Variants in FGF19 observed in about 807,000 individuals in gnomAD.
FGF19 encodes fibroblast growth factor 19.
A neutral mutation model predicts 8.9 loss-of-function variants in FGF19; 5 were observed. The observed-to-expected ratio is 0.56, with a 90% CI of 0.29 to 1.18. FGF19 has a LOEUF of 1.18. Ranked by LOEUF, FGF19 falls within the 50% of genes most tolerant of loss-of-function variation. The pLI is 0.08. For missense variants in FGF19, 237 were observed against 293.9 expected, an observed-to-expected ratio of 0.81 and a Z score of 1.42; for synonymous variants, 124 against 128.0, an observed-to-expected ratio of 0.97 and a Z score of 0.21.
Position 69,703,611 on chromosome 11 carries a change from G to C in FGF19, c.232+34C>G. ...GCGCGCAGCGGGGTGGGGTGCGCGC[G>C]GCGGGGCGGGCGGGGGTGCTGGCGG... On this transcript the variant is annotated intron_variant, in intron 1 of 2. Coordinates refer to ENST00000294312, the MANE Select transcript of FGF19 (RefSeq NM_005117.3). This position sits in a 1 kb window ranked among gnomAD's most constrained non-coding sequence, Gnocchi z 6.8. 9.1e-7 allele frequency: 1 copy of C among 1,093,350 alleles called. No homozygotes were observed. The highest frequency in any genetic ancestry group is 1.2e-6 in the Non-Finnish European group (1 of 863,584). 67.7% of individuals were successfully genotyped at this position (1,093,350 alleles called of 1,614,324 possible).
At chr11:69,701,652 AT>A (rs1465582800) in intron 2 of FGF19, among the ~76,000 whole-genome samples, 1 of 146,592 alleles carries the variant, frequency 6.8e-6, no homozygotes, top group Non-Finnish European at 1.5e-5. Context: ...CTGTTAGACC[AT>A]GCACAGGGGA....
At position 69,702,344 on chromosome 11, in the gene FGF19, C is replaced by A. The variant is rs1044871679; in HGVS notation, c.336+917G>T. 5.9e-5 allele frequency among the ~76,000 whole-genome samples: 9 copies of A among 152,226 alleles called. No individual in the cohort carries two copies. Among genetic ancestry groups the A allele is most frequent in the Admixed American group, 5.9e-4 (9 of 15,288 alleles). ...CTGGTTGGGCCGGAGGCGGCCCCGC[C>A]TCTGCATCCTTTCTGGGGTGGGGGC... On this transcript the variant is annotated intron_variant, in intron 2 of 2. Coordinates refer to ENST00000294312, the MANE Select transcript of FGF19 (RefSeq NM_005117.3). This position sits in a 1 kb window ranked among gnomAD's most constrained non-coding sequence, Gnocchi z 4.6.
intron 2 of FGF19, among the ~76,000 whole-genome samples, chr11:69,701,460 G>A (rs1854770547): frequency 6.6e-6 from 1 of 151,968 alleles, no homozygotes. Flanking sequence ...AAACTAGCCG[G>A]TCATGGTGGC....
At chr11:69,700,250 A>C (rs2119908048) in intron 2 of FGF19, among the ~76,000 whole-genome samples, 1 of 152,200 alleles carries the variant, frequency 6.6e-6, no homozygotes, top group African/African-American at 2.4e-5. Context: ...TATAAATTAT[A>C]ATCTTTATAT....
Position 69,702,376 on chromosome 11 carries a change from C to T in FGF19, c.336+885G>A. 6.6e-6 allele frequency among the ~76,000 whole-genome samples: 1 copy of T among 152,160 alleles called. No individual in the cohort carries two copies. Among genetic ancestry groups the T allele is most frequent in the East Asian group, 1.9e-4 (1 of 5,180 alleles). Reference sequence around the variant, plus strand: ...TCCTTTCTGGGGTGGGGGCCCCGGGCAGGCGCGGCCACCCCCGCCCTGGCC... The same window carrying T: ...TCCTTTCTGGGGTGGGGGCCCCGGGTAGGCGCGGCCACCCCCGCCCTGGCC... On this transcript the variant is annotated intron_variant, in intron 2 of 2. Coordinates refer to ENST00000294312, the MANE Select transcript of FGF19 (RefSeq NM_005117.3). The surrounding 1 kb of genome is among the most constrained non-coding windows in gnomAD (Gnocchi z 4.6).
intron 2 of FGF19, 103 bp from the exon 3 acceptor site, chr11:69,699,679 G>A: frequency 1.3e-6 from 1 of 785,526 alleles, no homozygotes; most frequent in East Asian, 2.7e-5. Context: ...CACCAGCAGT[G>A]ACCTTCCACA....
Position 69,699,412 on chromosome 11 carries a change from G to A in FGF19, c.501C>T (p.Pro167=). 6.2e-7 allele frequency: 1 copy of A among 1,614,214 alleles called. No homozygotes were observed. Among genetic ancestry groups the A allele is most frequent in the Non-Finnish European group, 8.5e-7 (1 of 1,180,030 alleles). The part of the protein sequence containing the change: ...RGFLPLSHFL[P]MLPMVPEEPE... ...GCTCCTCTGGGACCATGGGCAGCAT[G>A]GGCAGGAAATGAGAGAGTGGAAGAA... Residue 167 remains proline, a synonymous_variant, in exon 3 of 3, where the codon CCC becomes CCT. Transcript: ENST00000294312.
rs578098055 is a variant in FGF19, at chr11:69,702,794, T to C, written c.336+467A>G. On this transcript the variant is annotated intron_variant, in intron 2 of 2. Transcript: ENST00000294312. The surrounding 1 kb of genome is among the most constrained non-coding windows in gnomAD (Gnocchi z 4.6). ...CAAATGCACTGTTTTCTGCCTTGCT[T>C]GACAATTGATTTGTTTTTAAAGGAA... Among the ~76,000 whole-genome samples, 11 of 152,380 alleles carry C rather than the reference T, an allele frequency of 7.2e-5. No homozygotes were observed. Among genetic ancestry groups the C allele is most frequent in the African/African-American group, 2.2e-4 (9 of 41,590 alleles).
chr11:69,699,625 A>G (rs541925556), intron 2 of FGF19, 49 bp from the exon 3 acceptor site: 15 of 1,443,122 alleles, frequency 1.0e-5, no homozygotes, highest in Non-Finnish European at 9.4e-7. Flanking sequence ...GACAGGGAAC[A>G]CGGGTCCACA....
At chr11:69,701,606 C>CAAAAA (rs35300469) in intron 2 of FGF19, among the ~76,000 whole-genome samples, 4 of 59,860 alleles carry the variant, frequency 6.7e-5, no homozygotes, top group African/African-American at 7.5e-5. Flanking sequence ...GACTCCGTCT[C>CAAAAA]AAAAAAAAAA....
chr11:69,703,903 G>C lies in FGF19; in HGVS notation c.-27C>G. 1 of 1,232,208 alleles carries C rather than the reference G, an allele frequency of 8.1e-7. No homozygotes were observed. Among genetic ancestry groups the C allele is most frequent in the South Asian group, 3.5e-5 (1 of 28,432 alleles). 76.3% of individuals were successfully genotyped at this position (1,232,208 alleles called of 1,614,324 possible). A position where few individuals can be genotyped will look rare whatever the true frequency, so the allele number is the denominator to read the frequency against. ...GCACCTCCCTGGGGCTCTCGGCGCA[G>C]CTCCGGCGATGGGGGTGCGGGAGGC... On this transcript the variant is annotated 5_prime_UTR_variant, in exon 1 of 3. Transcript: ENST00000294312. The surrounding 1 kb of genome is among the most constrained non-coding windows in gnomAD (Gnocchi z 6.8).
rs1165232418 is a variant in FGF19, at chr11:69,700,258, TATAG to T, written c.337-686_337-683del. Among the ~76,000 whole-genome samples the T allele has an allele frequency of 4.6e-5, 7 of 152,068 alleles. 1 individual carries two copies. The highest frequency in any genetic ancestry group is 7.4e-5 in the Non-Finnish European group (5 of 68,010). On this transcript the variant is annotated intron_variant, in intron 2 of 2. Coordinates refer to ENST00000294312, the MANE Select transcript of FGF19 (RefSeq NM_005117.3). ...ATACCTTTATAAATTATAATCTTTA[TATAG>T]ATATACATGCACACAGACAAAACTG... is the stretch of plus-strand genomic sequence containing the variant.
At chr11:69,699,783 A>G (rs1159279995) in intron 2 of FGF19, among the ~76,000 whole-genome samples, 1 of 152,170 alleles carries the variant, frequency 6.6e-6, no homozygotes, top group South Asian at 2.1e-4. Flanking sequence ...GTAAGTATAT[A>G]TAATATATAA....
rs1486228763 is a variant in FGF19, at chr11:69,703,950, T to G, written c.-74A>C. The G allele has an allele frequency of 6.7e-6, 6 of 900,676 alleles. No individual in the cohort carries two copies. Among genetic ancestry groups the G allele is most frequent in the Non-Finnish European group, 8.8e-6 (6 of 682,170 alleles). The allele number at this position is 900,676 out of a possible 1,614,324, so 55.8% of individuals were successfully genotyped here. A position where few individuals can be genotyped will look rare whatever the true frequency, so the allele number is the denominator to read the frequency against. The stretch of plus-strand genomic sequence containing the variant: ...AGGCTGGGCGGCGACCGGGATGCGC[T>G]GCGGGGCTGTGAGTGCCGGGTTGGG... On this transcript the variant is annotated 5_prime_UTR_variant, in exon 1 of 3. Transcript: ENST00000294312. This position sits in a 1 kb window ranked among gnomAD's most constrained non-coding sequence, Gnocchi z 6.8.
chr11:69,701,965 C>CAAAAAAAA (rs59026695), intron 2 of FGF19, among the ~76,000 whole-genome samples: 1,185 of 72,826 alleles, frequency 0.016, 89 homozygotes, highest in Non-Finnish European at 0.023. Flanking sequence ...AAGACTCTGC[C>CAAAAAAAA]AAAAAAAAAA....
Position 69,703,368 on chromosome 11 carries a change from G to A in FGF19, c.233-4C>T, listed in dbSNP as rs1854799381. The A allele has an allele frequency of 1.2e-6, 2 of 1,602,628 alleles. No individual in the cohort carries two copies. Among genetic ancestry groups the A allele is most frequent in the African/African-American group, 1.3e-5 (1 of 74,676 alleles). On this transcript the variant is annotated splice_region_variant and splice_polypyrimidine_tract_variant and intron_variant, in intron 1 of 2. Transcript: ENST00000294312. The surrounding 1 kb of genome is among the most constrained non-coding windows in gnomAD (Gnocchi z 6.8). ...ACTGCCTTGATCTCCAGCAAACCTA[G>A]GCGCAGGGGAAGCGAGAAGCTGCAG...
rs2119914183 is a variant in FGF19, at chr11:69,702,564, G to A, written c.336+697C>T. ...AGAGCCCCAGCGCTCGTACACTTCC[G>A]GCCCCGGGACCTCTGCGGTTACCTG... is the stretch of plus-strand genomic sequence containing the variant. On this transcript the variant is annotated intron_variant, in intron 2 of 2. Coordinates refer to ENST00000294312, the MANE Select transcript of FGF19 (RefSeq NM_005117.3). The surrounding 1 kb of genome is among the most constrained non-coding windows in gnomAD (Gnocchi z 4.6). Among the ~76,000 whole-genome samples the A allele has an allele frequency of 6.6e-6, 1 of 151,958 alleles. No individual in the cohort carries two copies. The highest frequency in any genetic ancestry group is 2.0e-4 in the East Asian group (1 of 5,112).
In FGF19 at chr11:69,703,154, C is replaced by A. The variant is rs1192691627; in HGVS notation, c.336+107G>T. On this transcript the variant is annotated intron_variant, in intron 2 of 2. Transcript: ENST00000294312. This position sits in a 1 kb window ranked among gnomAD's most constrained non-coding sequence, Gnocchi z 6.8. ...TGCACGCGGGTCTGGGCGGAGGAGG[C>A]GAGGAAACCCTGGATTCGAACCAGC... The A allele has an allele frequency of 7.1e-6, 5 of 704,626 alleles. No individual in the cohort carries two copies. The highest frequency in any genetic ancestry group is 1.2e-5 in the Non-Finnish European group (5 of 430,556). 43.6% of individuals were successfully genotyped at this position (704,626 alleles called of 1,614,324 possible).
chr11:69,701,361 G>A (rs1854769625), intron 2 of FGF19, among the ~76,000 whole-genome samples: 1 of 152,120 alleles, frequency 6.6e-6, no homozygotes. Context: ...CAGCACTTTG[G>A]GCGGCTGAGG....
Sources: allele counts gnomAD v4.1 joint callset (sites outside exome capture counted in the v4.1 genomes callset), GRCh38; gene constraint gnomAD v4.1.1; non-coding constraint Gnocchi (gnomAD v3.1); transcripts MANE v1.5; gene names NCBI Gene and HGNC (gene_info 2026-07-23, HGNC 2026-07-21).